Variants in KLF8 observed in about 807,000 individuals in gnomAD.
The protein encoded by KLF8 is Krueppel-like factor 8.
KLF8 carries 10 observed loss-of-function variants against 18.2 expected under a neutral mutation model. That is an observed-to-expected ratio of 0.55 (90% CI 0.34 to 0.93). KLF8 has a LOEUF of 0.93. Among genes scored for constraint, KLF8 ranks in the 40% least tolerant of loss-of-function variants. The probability of loss-of-function intolerance (pLI) is 0.02; values close to 1 mark genes in which losing one functional copy is unlikely to be tolerated. For missense variants in KLF8, 264 were observed against 277.9 expected, an observed-to-expected ratio of 0.95 and a Z score of 0.36; for synonymous variants, 109 against 97.3, an observed-to-expected ratio of 1.12 and a Z score of -0.71.
chrX:55,922,430 G>A, the KLF8 span, among the ~76,000 whole-genome samples: 1 of 112,249 alleles, frequency 8.9e-6, no homozygotes, highest in Non-Finnish European at 1.9e-5. Context: ...ATGGATACAG[G>A]GAGGGGAACA....
intron 2 of KLF8, among the ~76,000 whole-genome samples, chrX:56,257,278 G>A (rs1263438648): frequency 4.5e-5 from 5 of 111,195 alleles, no homozygotes; most frequent in African/African-American, 9.8e-5. Context: ...TGTATTCTTC[G>A]GCCATTGGAT....
chrX:56,174,731 T>A, the KLF8 span, among the ~76,000 whole-genome samples: 1 of 111,619 alleles, frequency 9.0e-6, no homozygotes, highest in African/African-American at 3.3e-5. Context: ...GGTCTTGGCC[T>A]TTTTTTGGTT....
At chrX:56,145,052 C>A in the KLF8 span, among the ~76,000 whole-genome samples, 1 of 110,616 alleles carries the variant, frequency 9.0e-6, no homozygotes, top group Non-Finnish European at 1.9e-5. Flanking sequence ...CTTGACATCC[C>A]AAAGTCCTGG....
chrX:56,029,092 C>G, the KLF8 span, among the ~76,000 whole-genome samples: 1 of 110,984 alleles, frequency 9.0e-6, no homozygotes, highest in Non-Finnish European at 1.9e-5. Context: ...TGGCTGGGCC[C>G]CAGGCTTAAC....
the KLF8 span, among the ~76,000 whole-genome samples, chrX:55,954,774 G>A: frequency 0.53 from 58,360 of 110,692 alleles, 13,527 homozygotes; most frequent in East Asian, 0.75. Context: ...CCAAGAAGCA[G>A]AAAAAATCTC....
chrX:56,073,079 C>T, the KLF8 span, among the ~76,000 whole-genome samples: 2 of 109,046 alleles, frequency 1.8e-5, no homozygotes, highest in Non-Finnish European at 3.8e-5. Flanking sequence ...CTCCGCCTCC[C>T]GGGTTCACGC....
intron 2 of KLF8, among the ~76,000 whole-genome samples, chrX:56,264,516 G>A (rs1267952562): frequency 3.7e-5 from 4 of 109,450 alleles, no homozygotes; most frequent in African/African-American, 1.3e-4. Flanking sequence ...AAAAATCCCA[G>A]AATTAAAAAG....
the KLF8 span, among the ~76,000 whole-genome samples, chrX:56,094,499 G>A: frequency 2.7e-5 from 3 of 111,082 alleles, no homozygotes; most frequent in African/African-American, 9.8e-5. Flanking sequence ...AATAAATAAA[G>A]TAACCATTAT....
At chrX:56,028,917 C>T in the KLF8 span, among the ~76,000 whole-genome samples, 1 of 111,125 alleles carries the variant, frequency 9.0e-6, no homozygotes, top group Non-Finnish European at 1.9e-5. Flanking sequence ...AGCATAAGTC[C>T]TGTACGGGCC....
the KLF8 span, among the ~76,000 whole-genome samples, chrX:56,001,621 T>C: frequency 4.0e-4 from 45 of 112,258 alleles, no homozygotes; most frequent in Middle Eastern, 9.1e-3. Context: ...ACCAGATTTC[T>C]CAAAAGACTT....
At chrX:56,277,476 G>A (rs1360045281) in intron 5 of KLF8, among the ~76,000 whole-genome samples, 1 of 111,912 alleles carries the variant, frequency 8.9e-6, no homozygotes, top group Non-Finnish European at 1.9e-5. Context: ...AGAAACTCTT[G>A]TTCTTTTCTT....
At chrX:56,042,733 T>G in the KLF8 span, among the ~76,000 whole-genome samples, 1 of 111,751 alleles carries the variant, frequency 8.9e-6, no homozygotes, top group Non-Finnish European at 1.9e-5. Context: ...ATGTGTGTGT[T>G]TTTGCCTGAG....
chrX:56,042,866 AC>A, the KLF8 span, among the ~76,000 whole-genome samples: 48 of 111,646 alleles, frequency 4.3e-4, no homozygotes, highest in African/African-American at 1.4e-3. Context: ...TGTCATCAAG[AC>A]GCTAGCTGGT....
the KLF8 span, among the ~76,000 whole-genome samples, chrX:56,177,694 C>G: frequency 1.8e-5 from 2 of 111,604 alleles, no homozygotes; most frequent in East Asian, 5.7e-4. Context: ...TTCCCTGCCC[C>G]CAGAGGTGGA....
At chrX:56,067,069 TTCTG>T in the KLF8 span, among the ~76,000 whole-genome samples, 2 of 108,943 alleles carry the variant, frequency 1.8e-5, no homozygotes, top group African/African-American at 6.7e-5. Context: ...CTTAAATGTT[TTCTG>T]TCTTTTTTCT....
the KLF8 span, among the ~76,000 whole-genome samples, chrX:56,076,770 G>A: frequency 9.0e-6 from 1 of 111,586 alleles, no homozygotes; most frequent in Non-Finnish European, 1.9e-5. Flanking sequence ...GTGTAAAAGT[G>A]TTCCTATTTC....
At chrX:56,029,498 G>A in the KLF8 span, among the ~76,000 whole-genome samples, 2 of 110,973 alleles carry the variant, frequency 1.8e-5, no homozygotes, top group Non-Finnish European at 3.8e-5. Context: ...GGGGGCCACT[G>A]GGGTGGTTAC....
At chrX:55,970,852 C>T in the KLF8 span, among the ~76,000 whole-genome samples, 1 of 109,145 alleles carries the variant, frequency 9.2e-6, no homozygotes, top group Non-Finnish European at 1.9e-5. Context: ...ATTAATCCAA[C>T]CAAAGAAATG....
chrX:55,967,257 A>G, the KLF8 span, among the ~76,000 whole-genome samples: 1 of 111,847 alleles, frequency 8.9e-6, no homozygotes, highest in Non-Finnish European at 1.9e-5. Context: ...ATATCCAAGT[A>G]CAAGAAGGTT....
Sources: gnomAD v4.1 joint callset for allele counts (sites outside exome capture counted in the v4.1 genomes callset) on GRCh38, gnomAD v4.1.1 for gene constraint, MANE v1.5 for transcripts, NCBI Gene and HGNC (gene_info 2026-07-23, HGNC 2026-07-21) for gene names.